PCBP3: variants seen among roughly 807,000 people sequenced by gnomAD.
PCBP3 encodes the protein poly(rC) binding protein 3.
In PCBP3, 25 loss-of-function variants were observed where a neutral mutation model predicts 52.7. The observed-to-expected ratio is 0.47, with a 90% CI of 0.35 to 0.66. The LOEUF (loss-of-function observed/expected upper bound fraction) is 0.66, where lower values mean the gene tolerates loss of function less well. Ranked by LOEUF, PCBP3 falls within the 30% of genes least tolerant of loss-of-function variation. The pLI is 0.01. For missense variants in PCBP3, 391 were observed against 490.3 expected, an observed-to-expected ratio of 0.80 and a Z score of 1.91; for synonymous variants, 162 against 183.0, an observed-to-expected ratio of 0.89 and a Z score of 0.93.
Position 45,929,805 on chromosome 21 carries a change from A to G in PCBP3, c.718-112A>G, listed in dbSNP as rs901235866. 30 of 785,750 alleles carry G rather than the reference A, an allele frequency of 3.8e-5. No individual in the cohort carries two copies. The African/African-American group carries it at 4.6e-4, about 12-fold the overall frequency. 48.7% of individuals were successfully genotyped at this position (785,750 alleles called of 1,614,324 possible). On this transcript the variant is annotated intron_variant, in intron 13 of 17. Transcript: ENST00000681687. ...TCTCTTGCATCTGCCATGTGTCCGCATGGCCCTCTTTCTATCTATCTGTGC... is the reference window on the plus strand; with the variant it reads ...TCTCTTGCATCTGCCATGTGTCCGCGTGGCCCTCTTTCTATCTATCTGTGC...
In PCBP3 at chr21:45,827,326, G is replaced by C. The variant is rs566173325; in HGVS notation, c.-125-22635G>C. On this transcript the variant is annotated intron_variant, in intron 4 of 17. Coordinates refer to ENST00000681687, the MANE Select transcript of PCBP3 (RefSeq NM_001384156.1). This position sits in a 1 kb window ranked among gnomAD's most constrained non-coding sequence, Gnocchi z 4.3. Reference sequence around the variant, plus strand: ...GGCCGGTGAAAATGAGATAAAAGAAGATCTGGACATGATCATCACGTCACA... The same window carrying C: ...GGCCGGTGAAAATGAGATAAAAGAACATCTGGACATGATCATCACGTCACA... Among the ~76,000 whole-genome samples the C allele has an allele frequency of 6.6e-6, 1 of 152,242 alleles. No individual in the cohort carries two copies. Among genetic ancestry groups the C allele is most frequent in the African/African-American group, 2.4e-5 (1 of 41,542 alleles).
intron 5 of PCBP3, among the ~76,000 whole-genome samples, chr21:45,852,068 A>C (rs1374144871): frequency 1.3e-5 from 2 of 152,252 alleles, no homozygotes; most frequent in Non-Finnish European, 2.9e-5. Flanking sequence ...TAATAATAAT[A>C]TGTCTGTCCA....
intron 1 of PCBP3, among the ~76,000 whole-genome samples, chr21:45,646,146 T>TGTGTGTGTGTGTGTG (rs1569070571): frequency 4.1e-5 from 6 of 147,998 alleles, no homozygotes; most frequent in South Asian, 2.2e-4. Context: ...TGTGTGTGTG[T>TGTGTGTGTGTGTGTG]TTTGGGGCAG....
intron 13 of PCBP3, among the ~76,000 whole-genome samples, chr21:45,925,104 G>A (rs1189322147): frequency 4.6e-5 from 4 of 86,214 alleles, no homozygotes; most frequent in South Asian, 6.3e-4. Context: ...GAACAGTCGC[G>A]TGGGTAGAAA....
chr21:45,784,702 A>T (rs1479099069), intron 4 of PCBP3, among the ~76,000 whole-genome samples: 2 of 152,328 alleles, frequency 1.3e-5, no homozygotes, highest in East Asian at 3.9e-4. Context: ...ACCGCGAGTG[A>T]TCCGCCAGCC....
chr21:45,828,592 C>T (rs1007150630), intron 4 of PCBP3: 1 of 152,300 alleles, frequency 6.6e-6, no homozygotes, highest in African/African-American at 2.4e-5. Flanking sequence ...GAGTCCCTCC[C>T]GTCCTCCATC....
rs182531939 is a variant in PCBP3 at position 45,717,288 on chromosome 21, A to G, written c.-199-18104A>G. Among the ~76,000 whole-genome samples, 766 of 152,128 alleles carry G rather than the reference A, an allele frequency of 5.0e-3. 16 individuals are homozygous for G. Among genetic ancestry groups the G allele is most frequent in the Non-Finnish European group, 1.8e-3 (122 of 67,988 alleles). On this transcript the variant is annotated intron_variant, in intron 2 of 17. Transcript: ENST00000681687. ...TATCATGTCATCTCCAAATAGAGAT[A>G]TTTGTATTTTTCCTTTTCAGTCTGG...
At chr21:45,786,836 A>G (rs933639740) in intron 4 of PCBP3, among the ~76,000 whole-genome samples, 4 of 152,310 alleles carry the variant, frequency 2.6e-5, no homozygotes, top group Admixed American at 2.0e-4. Context: ...ATAGTCATTA[A>G]AATGCTGTAA....
rs574181893 is a variant in PCBP3 at position 45,904,566 on chromosome 21, A to G, written c.339+3453A>G. On this transcript the variant is annotated intron_variant, in intron 9 of 17. Transcript: ENST00000681687. This position sits in a 1 kb window ranked among gnomAD's most constrained non-coding sequence, Gnocchi z 4.8. Reference sequence around the variant, plus strand: ...AGAGTTCTGTTATAATGGTTTGTGTAAAATGTATTTCTCAATCACTTCATG... The same window carrying G: ...AGAGTTCTGTTATAATGGTTTGTGTGAAATGTATTTCTCAATCACTTCATG... Among the ~76,000 whole-genome samples the G allele has an allele frequency of 6.6e-6, 1 of 152,376 alleles. No individual in the cohort carries two copies. Among genetic ancestry groups the G allele is most frequent in the South Asian group, 2.1e-4 (1 of 4,828 alleles).
intron 2 of PCBP3, among the ~76,000 whole-genome samples, chr21:45,731,820 GC>G (rs1276976531): frequency 2.0e-5 from 3 of 151,526 alleles, no homozygotes; most frequent in Non-Finnish European, 4.4e-5. Flanking sequence ...ATTACATTAT[GC>G]CCTTATCTCC....
At chr21:45,797,743 CCATAGAGAGAG>C in intron 4 of PCBP3, among the ~76,000 whole-genome samples, 1 of 39,170 alleles carries the variant, frequency 2.6e-5, no homozygotes, top group African/African-American at 9.2e-5. Context: ...GTGCGTGGAT[CCATAGAGAGAG>C]TGAATGGATG....
At chr21:45,655,318 T>C (rs996857278) in intron 1 of PCBP3, among the ~76,000 whole-genome samples, 1 of 151,892 alleles carries the variant, frequency 6.6e-6, no homozygotes, top group Non-Finnish European at 1.5e-5. Context: ...GGGAAACAAT[T>C]TGGCAATGTA....
chr21:45,919,185 C>A (rs548938421), intron 13 of PCBP3: 1 of 152,354 alleles, frequency 6.6e-6, no homozygotes, highest in Non-Finnish European at 1.5e-5. Flanking sequence ...ATGGGGCAAA[C>A]CTGGAGTTGG....
chr21:45,898,308 A>G (rs535451183), intron 6 of PCBP3, among the ~76,000 whole-genome samples: 8 of 58,618 alleles, frequency 1.4e-4, no homozygotes, highest in South Asian at 5.8e-4. Context: ...CCGTCCTCAC[A>G]GTCTCCCTCT....
chr21:45,784,117 C>T (rs1025332908), intron 4 of PCBP3, among the ~76,000 whole-genome samples: 11 of 152,014 alleles, frequency 7.2e-5, no homozygotes, highest in East Asian at 3.9e-4. Context: ...TTTGCAGAGT[C>T]CAGTGTGGAG....
chr21:45,918,761 G>A (rs74863785), intron 13 of PCBP3: 3 of 35,748 alleles, frequency 8.4e-5, no homozygotes, highest in African/African-American at 3.1e-4. Flanking sequence ...TCAGATAAAC[G>A]GTCGGTGTAA....
At chr21:45,699,524 C>G (rs2082980441) in intron 2 of PCBP3, among the ~76,000 whole-genome samples, 2 of 152,334 alleles carry the variant, frequency 1.3e-5, no homozygotes, top group South Asian at 4.1e-4. Context: ...CTTGTCATAT[C>G]TGGAACTCTA....
intron 4 of PCBP3, among the ~76,000 whole-genome samples, chr21:45,772,813 G>A (rs1417375654): frequency 3.3e-5 from 5 of 151,960 alleles, no homozygotes; most frequent in African/African-American, 4.8e-5. Flanking sequence ...TTTGATTTGC[G>A]TTTCTCTGGT....
intron 5 of PCBP3, among the ~76,000 whole-genome samples, chr21:45,855,967 G>A (rs1192043950): frequency 3.3e-5 from 5 of 152,180 alleles, no homozygotes; most frequent in South Asian, 4.1e-4. Context: ...CCAATATAAC[G>A]TGGCTTTTCA....
Sources: allele counts gnomAD v4.1 joint callset (sites outside exome capture counted in the v4.1 genomes callset), GRCh38; gene constraint gnomAD v4.1.1; non-coding constraint Gnocchi (gnomAD v3.1); transcripts MANE v1.5; gene names NCBI Gene and HGNC (gene_info 2026-07-23, HGNC 2026-07-21).